The following KCNAB1 variants were observed in gnomAD, a reference collection of about 807,000 sequenced individuals.
KCNAB1 encodes potassium voltage-gated channel subfamily A regulatory beta subunit 1, also known as voltage-gated potassium channel subunit beta-1.
Under a neutral mutation model 64.6 loss-of-function variants are expected in KCNAB1, and 35 were observed. That is an observed-to-expected ratio of 0.54 (90% CI 0.41 to 0.72). The LOEUF is 0.72. KCNAB1 is among the 30% of genes least tolerant of loss of function. KCNAB1 has a pLI of 0.00. For missense variants in KCNAB1, 401 were observed against 512.9 expected, an observed-to-expected ratio of 0.78 and a Z score of 2.11; for synonymous variants, 177 against 183.8, an observed-to-expected ratio of 0.96 and a Z score of 0.30.
Position 156,489,803 on chromosome 3 carries a change from A to G in KCNAB1, c.658+14983A>G, listed in dbSNP as rs550960517. Among the ~76,000 whole-genome samples the G allele has an allele frequency of 2.6e-5, 4 of 152,134 alleles. No individual in the cohort carries two copies. The East Asian group carries it at 7.7e-4, about 29-fold the overall frequency. Reference sequence around the variant, plus strand: ...TATAAATGACTTAGCAGAACTGAGGAAAGATTTTTTTTAAGTGCCTGCAGA... The same window carrying G: ...TATAAATGACTTAGCAGAACTGAGGGAAGATTTTTTTTAAGTGCCTGCAGA... On this transcript the variant is annotated intron_variant, in intron 8 of 13. Transcript: ENST00000490337.
rs758815897 is a variant in KCNAB1 at position 156,514,408 on chromosome 3, A to T, written c.703A>T (p.Met235Leu). The T allele has an allele frequency of 6.2e-7, 1 of 1,614,032 alleles. No homozygotes were observed. The highest frequency in any genetic ancestry group is 1.3e-5 in the African/African-American group (1 of 74,948). Residue 235 changes from methionine (M) to leucine (L), a missense_variant, in exon 9 of 14, where the codon ATG (methionine) becomes TTG (leucine). Physicochemically the swap from Met to Leu is conservative, Grantham distance 15. Coordinates refer to ENST00000490337, the MANE Select transcript of KCNAB1 (RefSeq NM_172160.3). ...MTHVINQGMA[M>L]YWGTSRWSAM... is the part of the protein sequence containing the mutation. ...ACATGTGATAAACCAAGGCATGGCG[A>T]TGTACTGGGGCACCTCGAGATGGAG...
Position 156,212,217 on chromosome 3 carries a change from A to C in KCNAB1, c.275+91331A>C, listed in dbSNP as rs546665203. On this transcript the variant is annotated intron_variant, in intron 1 of 13. Coordinates refer to ENST00000490337, the MANE Select transcript of KCNAB1 (RefSeq NM_172160.3). ...GCTGTGTGCAGACCAGGGAAGAGGCAGTACATTCTTCACCTGGAACACTCA... is the reference window on the plus strand; with the variant it reads ...GCTGTGTGCAGACCAGGGAAGAGGCCGTACATTCTTCACCTGGAACACTCA... 2.6e-5 allele frequency among the ~76,000 whole-genome samples: 4 copies of C among 152,298 alleles called. No individual in the cohort carries two copies. The East Asian group carries it at 7.7e-4, about 29-fold the overall frequency.
At chr3:156,156,993 CTG>C (rs746993232) in intron 1 of KCNAB1, among the ~76,000 whole-genome samples, 38 of 152,054 alleles carry the variant, frequency 2.5e-4, no homozygotes, top group Non-Finnish European at 4.3e-4. Context: ...GCAATGGAAA[CTG>C]AGAATGAGTG....
chr3:156,233,182 C>T (rs990584331), intron 1 of KCNAB1, among the ~76,000 whole-genome samples: 3 of 151,674 alleles, frequency 2.0e-5, no homozygotes, highest in African/African-American at 7.3e-5. Flanking sequence ...TGTGAGTAGC[C>T]GAGAGTACAG....
chr3:156,166,050 T>A (rs1272321967), intron 1 of KCNAB1, among the ~76,000 whole-genome samples: 2 of 152,170 alleles, frequency 1.3e-5, no homozygotes, highest in Admixed American at 6.5e-5. Context: ...GCCCCTCATT[T>A]TTTCCATATT....
intron 1 of KCNAB1, among the ~76,000 whole-genome samples, chr3:156,372,288 C>A (rs1005889632): frequency 6.6e-6 from 1 of 152,144 alleles, no homozygotes; most frequent in Admixed American, 6.5e-5. Context: ...AGCACTGTGG[C>A]CTTGGGTAAG....
At chr3:156,392,736 G>A (rs1713138888) in intron 1 of KCNAB1, among the ~76,000 whole-genome samples, 1 of 152,158 alleles carries the variant, frequency 6.6e-6, no homozygotes, top group African/African-American at 2.4e-5. Context: ...GCAACTATTG[G>A]AATGATCAAA....
At chr3:156,146,188 T>C (rs1293033168) in intron 1 of KCNAB1, among the ~76,000 whole-genome samples, 1 of 152,206 alleles carries the variant, frequency 6.6e-6, no homozygotes, top group Non-Finnish European at 1.5e-5. Context: ...CATGCATCAA[T>C]TGAAAAGAAA....
In KCNAB1 at chr3:156,338,303, C is replaced by CTTTTTTTTTTTTTTTTTTTTTTT. The variant is rs34671816; in HGVS notation, c.276-83308_276-83286dup. ...TCTTATACTTTCTTTGGCATTTGCA[C>CTTTTTTTTTTTTTTTTTTTTTTT]TTTTTTTTTTTTTTTTTTTTTTTTT... On this transcript the variant is annotated intron_variant, in intron 1 of 13. Transcript: ENST00000490337. Among the ~76,000 whole-genome samples, 56 of 39,492 alleles carry CTTTTTTTTTTTTTTTTTTTTTTT rather than the reference C, an allele frequency of 1.4e-3. 15 individuals are homozygous for CTTTTTTTTTTTTTTTTTTTTTTT. Among genetic ancestry groups the CTTTTTTTTTTTTTTTTTTTTTTT allele is most frequent in the East Asian group, 4.3e-3 (5 of 1,174 alleles). The allele number at this position is 39,492 out of a possible 152,430, so 25.9% of individuals were successfully genotyped here.
At chr3:156,513,470 A>C (rs2108389754) in intron 8 of KCNAB1, among the ~76,000 whole-genome samples, 2 of 152,312 alleles carry the variant, frequency 1.3e-5, no homozygotes, top group Middle Eastern at 3.4e-3. Flanking sequence ...GACCCTTTGA[A>C]ACTGTCGAGT....
At chr3:156,285,815 A>G (rs534199116) in intron 1 of KCNAB1, among the ~76,000 whole-genome samples, 88 of 152,114 alleles carry the variant, frequency 5.8e-4, no homozygotes, top group Non-Finnish European at 9.8e-4. Flanking sequence ...TGAATTTCCT[A>G]TTTTTCACAC....
intron 1 of KCNAB1, among the ~76,000 whole-genome samples, chr3:156,294,447 GA>G: frequency 6.6e-6 from 1 of 152,260 alleles, no homozygotes; most frequent in Middle Eastern, 3.4e-3. Context: ...GAGATTATGA[GA>G]TTATGCCAAA....
intron 1 of KCNAB1, among the ~76,000 whole-genome samples, chr3:156,213,503 C>T (rs1394594243): frequency 1.3e-5 from 2 of 152,164 alleles, no homozygotes; most frequent in Admixed American, 6.6e-5. Flanking sequence ...AATGAGCCAC[C>T]TTGCTCAGCC....
chr3:156,292,538 C>A (rs1720503479), intron 1 of KCNAB1, among the ~76,000 whole-genome samples: 1 of 151,958 alleles, frequency 6.6e-6, no homozygotes, highest in African/African-American at 2.4e-5. Context: ...TCTTATTTAT[C>A]TTTTGTTTGT....
At chr3:156,326,867 AC>A (rs1256169607) in intron 1 of KCNAB1, among the ~76,000 whole-genome samples, 6 of 152,138 alleles carry the variant, frequency 3.9e-5, no homozygotes, top group African/African-American at 1.4e-4. Context: ...AGCGTTGACC[AC>A]TACTTGGTAT....
At chr3:156,178,783 C>T (rs1411206724) in intron 1 of KCNAB1, among the ~76,000 whole-genome samples, 1 of 152,008 alleles carries the variant, frequency 6.6e-6, no homozygotes, top group African/African-American at 2.4e-5. Flanking sequence ...GGGCGGATCA[C>T]GAGGTCAGGA....
At position 156,423,218 on chromosome 3, in the gene KCNAB1, C is replaced by T. The variant is rs141303481; in HGVS notation, c.319+1559C>T. Among the ~76,000 whole-genome samples, 736 of 152,250 alleles carry T rather than the reference C, an allele frequency of 4.8e-3. 6 individuals carry two copies. The highest frequency in any genetic ancestry group is 0.017 in the African/African-American group (699 of 41,534). On this transcript the variant is annotated intron_variant, in intron 2 of 13. Coordinates refer to ENST00000490337, the MANE Select transcript of KCNAB1 (RefSeq NM_172160.3). Reference sequence around the variant, plus strand: ...AGTGGGATCAGAGAGGTTGCTTTTGCACGTGGAAGAAATGACCACATATTT... The same window carrying T: ...AGTGGGATCAGAGAGGTTGCTTTTGTACGTGGAAGAAATGACCACATATTT...
At chr3:156,165,687 G>A (rs538781146) in intron 1 of KCNAB1, among the ~76,000 whole-genome samples, 13 of 152,170 alleles carry the variant, frequency 8.5e-5, no homozygotes, top group South Asian at 8.3e-4. Flanking sequence ...CTAAGCAAAT[G>A]ATGTTTTGTT....
At chr3:156,400,118 CT>C (rs1713780981) in intron 1 of KCNAB1, among the ~76,000 whole-genome samples, 1 of 151,816 alleles carries the variant, frequency 6.6e-6, no homozygotes, top group Non-Finnish European at 1.5e-5. Context: ...TCAACACTTC[CT>C]AGGGGGGAAA....
Sources: gnomAD v4.1 joint callset for allele counts (sites outside exome capture counted in the v4.1 genomes callset) on GRCh38, gnomAD v4.1.1 for gene constraint, MANE v1.5 for transcripts, NCBI Gene and HGNC (gene_info 2026-07-23, HGNC 2026-07-21) for gene names.